The following TUSC3 variants were observed in gnomAD, a reference collection of about 807,000 sequenced individuals.
TUSC3 encodes dolichyl-diphosphooligosaccharide--protein glycosyltransferase subunit TUSC3.
A neutral mutation model predicts 44.8 loss-of-function variants in TUSC3; 45 were observed. That is an observed-to-expected ratio of 1.00 (90% CI 0.79 to 1.29). TUSC3 has a LOEUF of 1.29. Ranked by LOEUF, TUSC3 falls within the 50% of genes most tolerant of loss-of-function variation. The pLI is 0.00. For missense variants in TUSC3, 519 were observed against 437.9 expected (o/e 1.19, Z -1.65); for synonymous variants, 212 against 152.9 (o/e 1.39, Z -2.85).
In TUSC3 at chr8:15,719,409, C is replaced by T. The variant is rs563276910; in HGVS notation, c.799-11257C>T. Among the ~76,000 whole-genome samples, 5 of 151,856 alleles carry T rather than the reference C, an allele frequency of 3.3e-5. No individual in the cohort carries two copies. In the South Asian group the frequency reaches 1.0e-3, roughly 32 times the overall value. ...TTCTTCCTATTTAAATTGCAACCTG[C>T]TCCCCATTGTCAATACTTCTGACTC... On this transcript the variant is annotated intron_variant, in intron 6 of 10. Transcript: ENST00000503731.
rs190092633 is a variant in TUSC3 at position 15,490,895 on chromosome 8, A to C, written n.189+7412A>C. 5.9e-5 allele frequency among the ~76,000 whole-genome samples: 9 copies of C among 152,322 alleles called. No homozygotes were observed. The East Asian group carries it at 1.7e-3, about 30-fold the overall frequency. On this transcript the variant is annotated intron_variant and non_coding_transcript_variant, in intron 2 of 5. Transcript: ENST00000503191. ...AGTTTATTTTTCCAAGGTTAAGGAC[A>C]CACCTAGGAAAAAAGGAACACAAAA...
intron 2 of TUSC3, among the ~76,000 whole-genome samples, chr8:15,627,114 G>C (rs528648527): frequency 1.2e-4 from 19 of 152,328 alleles, no homozygotes; most frequent in Middle Eastern, 6.8e-3. Context: ...CTTGAGAAGA[G>C]GATGGAGAGA....
chr8:15,763,274 A>G (rs1050861566), intron 10 of TUSC3, among the ~76,000 whole-genome samples: 1 of 151,990 alleles, frequency 6.6e-6, no homozygotes, highest in African/African-American at 2.4e-5. Flanking sequence ...CTTTTCACTA[A>G]TGAGGAAACC....
chr8:15,760,620 A>G (rs1812134031), intron 10 of TUSC3, among the ~76,000 whole-genome samples: 2 of 152,198 alleles, frequency 1.3e-5, no homozygotes, highest in Admixed American at 1.3e-4. Flanking sequence ...CATGAAAATT[A>G]TGAAATTCAG....
At chr8:15,555,388 C>A (rs903555823) in intron 1 of TUSC3, among the ~76,000 whole-genome samples, 1 of 144,008 alleles carries the variant, frequency 6.9e-6, no homozygotes, top group South Asian at 2.2e-4. Context: ...CCTTGACCTC[C>A]TGGGCTCAAG....
chr8:15,437,938 G>A (rs5006328), intron 1 of TUSC3, among the ~76,000 whole-genome samples: 22,822 of 152,140 alleles, frequency 0.15, 1,803 homozygotes, highest in Middle Eastern at 0.23. Flanking sequence ...CAAAGTGGTC[G>A]TATGAGAAGC....
At chr8:15,774,029 A>G in the TUSC3 span, among the ~76,000 whole-genome samples, 2 of 152,206 alleles carry the variant, frequency 1.3e-5, no homozygotes, top group Non-Finnish European at 1.5e-5. Flanking sequence ...CAAGCAACAA[A>G]ATAAAAATAT....
At chr8:15,523,700 G>GTATATATATATATATA (rs1373439598) in intron 2 of TUSC3, among the ~76,000 whole-genome samples, 61 of 103,224 alleles carry the variant, frequency 5.9e-4, no homozygotes, top group African/African-American at 2.5e-3. Flanking sequence ...GTGTGTGTGT[G>GTATATATATATATATA]TGTGTGTGTA....
intron 1 of TUSC3, among the ~76,000 whole-genome samples, chr8:15,601,287 G>A (rs1025676007): frequency 1.1e-4 from 16 of 151,382 alleles, no homozygotes; most frequent in African/African-American, 3.1e-4. Context: ...TTTCCCCCCC[G>A]TTGCCTATAA....
At chr8:15,482,644 G>T (rs2129124627) in intron 1 of TUSC3, among the ~76,000 whole-genome samples, 1 of 152,278 alleles carries the variant, frequency 6.6e-6, no homozygotes, top group South Asian at 2.1e-4. Context: ...GCAGGCCATA[G>T]ATCAAAGAGT....
In TUSC3 at chr8:15,584,172, T is replaced by C. The variant is rs755120297; in HGVS notation, c.139-38908T>C. On this transcript the variant is annotated intron_variant, in intron 1 of 10. Transcript: ENST00000503731. ...TTAAGATTCTTAATTGTCAACGTCA[T>C]AAAAGTATTTTTATGGTTAATTTGA... 2.4e-4 allele frequency among the ~76,000 whole-genome samples: 37 copies of C among 152,346 alleles called. 1 individual carries two copies. The highest frequency in any genetic ancestry group is 1.0e-3 in the South Asian group (5 of 4,828).
chr8:15,429,998 C>A lies in TUSC3; in HGVS notation n.91+12693C>A, dbSNP rs1014510106. 2.5e-4 allele frequency among the ~76,000 whole-genome samples: 38 copies of A among 151,100 alleles called. 1 individual carries two copies. The highest frequency in any genetic ancestry group is 9.1e-4 in the African/African-American group (37 of 40,830). ...ATTGAGGCAATAATAGCCCACCAAC[C>A]AAAAAAAATCCAGGACCAGATGGAT... On this transcript the variant is annotated intron_variant and non_coding_transcript_variant, in intron 1 of 5. Coordinates refer to the TUSC3 transcript ENST00000503191.
At chr8:15,534,379 C>T (rs1344288812) in intron 2 of TUSC3, among the ~76,000 whole-genome samples, 3 of 152,234 alleles carry the variant, frequency 2.0e-5, no homozygotes, top group Non-Finnish European at 4.4e-5. Flanking sequence ...CGCGGTGACG[C>T]ACACCTGTAA....
At chr8:15,774,728 C>T in the TUSC3 span, among the ~76,000 whole-genome samples, 1 of 152,172 alleles carries the variant, frequency 6.6e-6, no homozygotes, top group African/African-American at 2.4e-5. Context: ...ATAAGGTGCT[C>T]AATGTCATCA....
At chr8:15,494,320 CTTT>C (rs71211045) in intron 2 of TUSC3, among the ~76,000 whole-genome samples, 2 of 136,570 alleles carry the variant, frequency 1.5e-5, no homozygotes, top group Admixed American at 7.5e-5. Flanking sequence ...CTCTCATCTT[CTTT>C]TTTTTTTTTT....
intron 8 of TUSC3, 71 bp downstream of exon 8, chr8:15,743,683 A>G (rs1811289656): frequency 6.7e-7 from 1 of 1,500,828 alleles, no homozygotes; most frequent in Admixed American, 1.7e-5. Flanking sequence ...AATGGGAAAT[A>G]CATAAAAGCC....
At chr8:15,718,385 G>A (rs776917433) in intron 6 of TUSC3, among the ~76,000 whole-genome samples, 1 of 152,064 alleles carries the variant, frequency 6.6e-6, no homozygotes, top group Non-Finnish European at 1.5e-5. Context: ...TGCATAGAGT[G>A]CTGGAAAGAT....
At position 15,766,167 on chromosome 8, in the gene TUSC3, C is replaced by G. The variant is rs1426049098; in HGVS notation, c.*2011C>G. The G allele has an allele frequency of 1.3e-5, 2 of 150,886 alleles. No homozygotes were observed. The highest frequency in any genetic ancestry group is 1.3e-4 in the Admixed American group (2 of 15,136). 9.3% of individuals were successfully genotyped at this position (150,886 alleles called of 1,614,324 possible). ...AGTGATAAAAACAATATTTTTTTTT[C>G]AGAATTTCATGCTTTAAAAAGCTGT... On this transcript the variant is annotated 3_prime_UTR_variant, in exon 11 of 11. Transcript: ENST00000503731.
intron 2 of TUSC3, among the ~76,000 whole-genome samples, chr8:15,527,503 C>T (rs992692312): frequency 1.3e-5 from 2 of 152,200 alleles, no homozygotes; most frequent in Admixed American, 1.3e-4. Context: ...AGATGTGAGT[C>T]ACTGTGCCCG....
Sources: gnomAD v4.1 joint callset for allele counts (sites outside exome capture counted in the v4.1 genomes callset) on GRCh38, gnomAD v4.1.1 for gene constraint, MANE v1.5 for transcripts, NCBI Gene and HGNC (gene_info 2026-07-23, HGNC 2026-07-21) for gene names.